The following TTC7B variants were observed in gnomAD, a reference collection of about 807,000 sequenced individuals.
TTC7B encodes the protein tetratricopeptide repeat domain 7B, also known as tetratricopeptide repeat protein 7B.
In TTC7B, 28 loss-of-function variants were observed where a neutral mutation model predicts 106.8. The ratio of observed to expected loss-of-function variants is 0.26; its 90% confidence interval spans 0.19 to 0.36. The LOEUF (loss-of-function observed/expected upper bound fraction) is 0.36. TTC7B is among the 10% of genes least tolerant of loss of function. TTC7B has a pLI of 1.00. For missense variants in TTC7B, 862 were observed against 1,076.4 expected (o/e 0.80, Z 2.79); for synonymous variants, 405 against 430.6 (o/e 0.94, Z 0.74).
chr14:90,537,935 A>G lies in TTC7B; in HGVS notation c.*3433T>C, dbSNP rs1294564. ...CTGGCATGTTGTGAGCATTCCATAG[A>G]TATTTGTTGGATGAATGAATGAGTG... On this transcript the variant is annotated 3_prime_UTR_variant, in exon 20 of 20. Transcript: ENST00000328459. 0.65 allele frequency: 99,116 copies of G among 152,052 alleles called. 33,350 individuals are homozygous for G. Among genetic ancestry groups the G allele is most frequent in the South Asian group, 0.75 (3,621 of 4,828 alleles). The allele number at this position is 152,052 out of a possible 1,614,324, so 9.4% of individuals were successfully genotyped here.
chr14:90,644,275 A>C, intron 14 of TTC7B, 67 bp from the exon 15 acceptor site: 1 of 1,258,826 alleles, frequency 7.9e-7, no homozygotes. Flanking sequence ...ACACACACAC[A>C]CACACGCGCG....
chr14:90,620,194 A>G (rs1032812688), intron 15 of TTC7B, among the ~76,000 whole-genome samples: 1 of 152,038 alleles, frequency 6.6e-6, no homozygotes, highest in Non-Finnish European at 1.5e-5. Flanking sequence ...GGCCAGGTAA[A>G]GGGAGGAATG....
intron 1 of TTC7B, among the ~76,000 whole-genome samples, chr14:90,801,706 T>C (rs565823556): frequency 3.3e-5 from 5 of 152,290 alleles, no homozygotes; most frequent in African/African-American, 1.2e-4. Flanking sequence ...CCATGTCTGC[T>C]ACCAAAACCA....
rs371990624 is a variant in TTC7B, at chr14:90,600,601, G to A, written c.1967-6975C>T. On this transcript the variant is annotated intron_variant, in intron 17 of 19. Transcript: ENST00000328459. The surrounding 1 kb of genome is among the most constrained non-coding windows in gnomAD (Gnocchi z 4.3). ...GCACCGTTTAAACCTGACAGCACACGTCTTGTCCTGAAAGGGGGAAGCTCT... is the reference window on the plus strand; with the variant it reads ...GCACCGTTTAAACCTGACAGCACACATCTTGTCCTGAAAGGGGGAAGCTCT... 3.1e-3 allele frequency among the ~76,000 whole-genome samples: 473 copies of A among 152,306 alleles called. 2 individuals carry two copies. Among genetic ancestry groups the A allele is most frequent in the South Asian group, 0.01 (49 of 4,822 alleles).
rs1223534230 is a variant in TTC7B at position 90,575,317 on chromosome 14, A to T, written c.2310+2789T>A. Among the ~76,000 whole-genome samples the T allele has an allele frequency of 6.6e-6, 1 of 152,252 alleles. No homozygotes were observed. The highest frequency in any genetic ancestry group is 1.5e-5 in the Non-Finnish European group (1 of 68,040). On this transcript the variant is annotated intron_variant, in intron 19 of 19. Coordinates refer to ENST00000328459, the MANE Select transcript of TTC7B (RefSeq NM_001010854.2). This position sits in a 1 kb window ranked among gnomAD's most constrained non-coding sequence, Gnocchi z 5.2. ...AGGAAAATGAGGCACCAAGAGGGTG[A>T]ATAACCTGTCCAAGGCCCCACAGCG...
At chr14:90,734,116 A>G (rs1452174713) in intron 4 of TTC7B, among the ~76,000 whole-genome samples, 1 of 152,118 alleles carries the variant, frequency 6.6e-6, no homozygotes, top group Non-Finnish European at 1.5e-5. Context: ...TAAGATGGAA[A>G]ATATTCGAAA....
Position 90,655,035 on chromosome 14 carries a change from A to G in TTC7B, c.1417T>C (p.Tyr473His), listed in dbSNP as rs1885888467. The change falls in exon 12 of 20, where the codon TAC becomes CAC. Residue 473 changes from tyrosine (Y) to histidine (H), a missense_variant. Tyr to His is a moderately conservative substitution (Grantham distance 83, BLOSUM62 2). Coordinates refer to ENST00000328459, the MANE Select transcript of TTC7B (RefSeq NM_001010854.2). ...EKTSEFKAKG[Y>H]LALGLTYSLQ... is the part of the protein sequence containing the mutation. Reference sequence around the variant, plus strand: ...CTGTACGTGAGCCCCAGAGCTAAGTAGCCTTTGGCCTTGAACTCTGACGTT... The same window carrying G: ...CTGTACGTGAGCCCCAGAGCTAAGTGGCCTTTGGCCTTGAACTCTGACGTT... The G allele has an allele frequency of 6.2e-7, 1 of 1,614,118 alleles. No homozygotes were observed.
At chr14:90,593,193 C>G (rs1403858708) in intron 18 of TTC7B, among the ~76,000 whole-genome samples, 2 of 152,260 alleles carry the variant, frequency 1.3e-5, no homozygotes, top group Non-Finnish European at 2.9e-5. Flanking sequence ...CCCTGCACCC[C>G]ACATGGCAAA....
At chr14:90,544,205 C>A (rs936123882) in intron 19 of TTC7B, among the ~76,000 whole-genome samples, 1 of 152,252 alleles carries the variant, frequency 6.6e-6, no homozygotes, top group African/African-American at 2.4e-5. Context: ...CTGCCCTCCC[C>A]CGTCTGGGAA....
At chr14:90,799,987 C>A (rs1035731493) in intron 1 of TTC7B, among the ~76,000 whole-genome samples, 10 of 152,056 alleles carry the variant, frequency 6.6e-5, no homozygotes, top group Non-Finnish European at 2.9e-5. Flanking sequence ...CGCCCGCCAC[C>A]ACGCCCAGCT....
At chr14:90,776,016 A>C (rs773439294) in intron 3 of TTC7B, among the ~76,000 whole-genome samples, 3 of 152,114 alleles carry the variant, frequency 2.0e-5, no homozygotes, top group Non-Finnish European at 4.4e-5. Flanking sequence ...TAAAGCAGAG[A>C]TAGGTGCTTA....
intron 3 of TTC7B, among the ~76,000 whole-genome samples, chr14:90,766,342 T>C (rs1890680947): frequency 6.6e-6 from 1 of 152,100 alleles, no homozygotes; most frequent in Non-Finnish European, 1.5e-5. Context: ...AAAGACCTGA[T>C]GGCAGATCTA....
intron 16 of TTC7B, among the ~76,000 whole-genome samples, chr14:90,616,630 G>T (rs922093397): frequency 6.6e-6 from 1 of 152,198 alleles, no homozygotes; most frequent in Non-Finnish European, 1.5e-5. Flanking sequence ...CTGGGGTCAC[G>T]GGTCTGTCTA....
intron 5 of TTC7B, among the ~76,000 whole-genome samples, chr14:90,705,014 G>A (rs1309459286): frequency 6.6e-6 from 1 of 152,180 alleles, no homozygotes; most frequent in Non-Finnish European, 1.5e-5. Flanking sequence ...TTGCTCAGGG[G>A]AATAAGCTAT....
intron 5 of TTC7B, among the ~76,000 whole-genome samples, chr14:90,713,979 G>A (rs1201236623): frequency 1.3e-5 from 2 of 152,220 alleles, no homozygotes; most frequent in Non-Finnish European, 2.9e-5. Flanking sequence ...TGTAATCCCA[G>A]CACTTTGGGA....
chr14:90,608,445 C>T lies in TTC7B; in HGVS notation c.1966+2297G>A, dbSNP rs934919069. On this transcript the variant is annotated intron_variant, in intron 17 of 19. Coordinates refer to ENST00000328459, the MANE Select transcript of TTC7B (RefSeq NM_001010854.2). The surrounding 1 kb of genome is among the most constrained non-coding windows in gnomAD (Gnocchi z 5.1). Reference sequence around the variant, plus strand: ...AGAAGGACTCGCGTGGATGACTCAACAATGAAACCGTCTGTGGCAGTGCCT... The same window carrying T: ...AGAAGGACTCGCGTGGATGACTCAATAATGAAACCGTCTGTGGCAGTGCCT... Among the ~76,000 whole-genome samples, 10 of 152,124 alleles carry T rather than the reference C, an allele frequency of 6.6e-5. No homozygotes were observed. The highest frequency in any genetic ancestry group is 9.7e-5 in the African/African-American group (4 of 41,424).
intron 7 of TTC7B, 62 bp from the exon 8 acceptor site, chr14:90,680,597 G>A: frequency 8.2e-7 from 1 of 1,225,002 alleles, no homozygotes; most frequent in South Asian, 1.2e-5. Flanking sequence ...AATACAAGCA[G>A]AACTGAACAC....
At chr14:90,698,999 T>C in intron 5 of TTC7B, 1 of 344,076 alleles carries the variant, frequency 2.9e-6, no homozygotes, top group Non-Finnish European at 5.6e-6. Flanking sequence ...ATCCTCCTCC[T>C]GCTGAACCTC....
chr14:90,786,543 G>C (rs1891395967), intron 1 of TTC7B, among the ~76,000 whole-genome samples: 2 of 152,100 alleles, frequency 1.3e-5, no homozygotes, highest in Admixed American at 6.5e-5. Flanking sequence ...TACTCAAATA[G>C]GTGTTGGCTC....
Sources: allele counts gnomAD v4.1 joint callset (sites outside exome capture counted in the v4.1 genomes callset), GRCh38; gene constraint gnomAD v4.1.1; non-coding constraint Gnocchi (gnomAD v3.1); transcripts MANE v1.5; gene names NCBI Gene and HGNC (gene_info 2026-07-23, HGNC 2026-07-21).